MTFR1: variants seen among roughly 807,000 people sequenced by gnomAD.
The protein encoded by MTFR1 is mitochondrial fission regulator 1, also known as chondrocyte protein with a poly-proline region.
Under a neutral mutation model 38.8 loss-of-function variants are expected in MTFR1, and 28 were observed. The observed-to-expected ratio is 0.72, with a 90% CI of 0.53 to 0.99. The LOEUF is 0.99. Among genes scored for constraint, MTFR1 ranks in the 50% least tolerant of loss-of-function variants. The pLI is 0.00. For missense variants in MTFR1, 358 were observed against 395.5 expected, an observed-to-expected ratio of 0.91 and a Z score of 0.81; for synonymous variants, 145 against 137.0, an observed-to-expected ratio of 1.06 and a Z score of -0.41.
chr8:65,738,174 CTTAAT>C (rs768477630), intron 3 of MTFR1, among the ~76,000 whole-genome samples: 10 of 152,022 alleles, frequency 6.6e-5, no homozygotes, highest in Non-Finnish European at 1.3e-4. Context: ...ATGTATACAC[CTTAAT>C]TTAAAAGACT....
chr8:65,720,490 A>G (rs1333761534), intron 3 of MTFR1: 1 of 154,204 alleles, frequency 6.5e-6, no homozygotes, highest in Non-Finnish European at 1.5e-5. Context: ...AATTAAAGCA[A>G]CCAGCATCCA....
intron 1 of MTFR1, among the ~76,000 whole-genome samples, chr8:65,648,338 G>A (rs1271938413): frequency 6.6e-6 from 1 of 151,960 alleles, no homozygotes; most frequent in Non-Finnish European, 1.5e-5. Flanking sequence ...TTATTTGCAA[G>A]CACTTTATAT....
intron 3 of MTFR1, among the ~76,000 whole-genome samples, chr8:65,741,896 T>C (rs1472307857): frequency 2.0e-5 from 3 of 152,244 alleles, no homozygotes; most frequent in Non-Finnish European, 4.4e-5. Flanking sequence ...TACCCTCTTT[T>C]GGAATTCAGG....
At chr8:65,675,337 T>G (rs189922767) in intron 2 of MTFR1, among the ~76,000 whole-genome samples, 1 of 150,612 alleles carries the variant, frequency 6.6e-6, no homozygotes, top group Non-Finnish European at 1.5e-5. Flanking sequence ...GGCTTACGCC[T>G]GTAATCCCAG....
chr8:65,717,562 G>A (rs570698336), intron 2 of MTFR1: 43 of 152,236 alleles, frequency 2.8e-4, no homozygotes, highest in African/African-American at 7.7e-4. Flanking sequence ...AGATAAGCTC[G>A]GACTGAGTAA....
At chr8:65,761,219 C>T (rs1222466062) in intron 3 of MTFR1, among the ~76,000 whole-genome samples, 2 of 152,152 alleles carry the variant, frequency 1.3e-5, no homozygotes, top group Non-Finnish European at 2.9e-5. Context: ...GCACGCACCA[C>T]CATGCCCAGC....
chr8:65,750,240 T>A (rs1487285535), intron 3 of MTFR1, among the ~76,000 whole-genome samples: 2 of 152,204 alleles, frequency 1.3e-5, no homozygotes, highest in African/African-American at 4.8e-5. Flanking sequence ...AATGAATGCA[T>A]TAGAGCCGAC....
At chr8:65,700,456 C>T (rs951544535) in intron 4 of MTFR1, among the ~76,000 whole-genome samples, 6 of 151,156 alleles carry the variant, frequency 4.0e-5, no homozygotes, top group African/African-American at 1.2e-4. Context: ...CATGAGAAAA[C>T]TGTTAGTACA....
In MTFR1 at chr8:65,662,796, G is replaced by A. The variant is rs1809477983; in HGVS notation, c.-80-7077G>A. On this transcript the variant is annotated intron_variant, in intron 1 of 7. Transcript: ENST00000262146. ...AGCGTCTCCGCCCAGCAGCCACCCC[G>A]TCCGGGAGGGAGGTGGGGGTCAGCC... 5.3e-5 allele frequency among the ~76,000 whole-genome samples: 8 copies of A among 150,106 alleles called. No individual in the cohort carries two copies. In the Admixed American group the frequency reaches 5.3e-4, roughly 10 times the overall value.
chr8:65,724,003 A>C (rs1031548229), intron 3 of MTFR1, among the ~76,000 whole-genome samples: 7 of 152,216 alleles, frequency 4.6e-5, no homozygotes, highest in Admixed American at 4.6e-4. Context: ...CTTTCTGTAC[A>C]GCAAAATTCC....
chr8:65,766,421 G>A (rs183967652), intron 3 of MTFR1, among the ~76,000 whole-genome samples: 33 of 152,332 alleles, frequency 2.2e-4, no homozygotes, highest in African/African-American at 7.2e-4. Flanking sequence ...ACTCAAAAGA[G>A]TGAAACTAAA....
In MTFR1 at chr8:65,707,079, C is replaced by T; in HGVS notation, c.587C>T (p.Pro196Leu). 1.2e-6 allele frequency: 2 copies of T among 1,613,350 alleles called. No individual in the cohort carries two copies. Among genetic ancestry groups the T allele is most frequent in the Non-Finnish European group, 8.5e-7 (1 of 1,179,596 alleles). ...CCACCTCCCCCACCGCCCCTGCCTC[C>T]CCCTGCACTGGGGCTCCACCAAAGT... is the stretch of plus-strand genomic sequence containing the variant. The part of the protein sequence containing the change: ...HPPPPPPPLP[P>L]PALGLHQSTS... Residue 196 changes from proline to leucine, a missense_variant, in exon 6 of 8, where the codon CCC becomes CTC. Coordinates refer to ENST00000262146, the MANE Select transcript of MTFR1 (RefSeq NM_014637.4).
At chr8:65,714,914 A>G (rs577515493), downstream of MTFR1, 1 of 152,340 alleles carries the variant, frequency 6.6e-6, no homozygotes, top group East Asian at 1.9e-4. Context: ...ACTTTTATAC[A>G]GAGTATCATT....
intron 3 of MTFR1, chr8:65,739,441 C>CT: frequency 1.4e-6 from 2 of 1,480,110 alleles, no homozygotes; most frequent in Non-Finnish European, 1.8e-6. Context: ...TGAGATAAAA[C>CT]TTAAACAGGT....
chr8:65,764,700 A>C (rs996401692), intron 3 of MTFR1, among the ~76,000 whole-genome samples: 46 of 152,348 alleles, frequency 3.0e-4, no homozygotes, highest in African/African-American at 9.4e-4. Context: ...ATGAGCTTTT[A>C]AGAAACATCT....
chr8:65,694,282 C>G (rs1257894257), intron 4 of MTFR1, among the ~76,000 whole-genome samples: 2 of 151,902 alleles, frequency 1.3e-5, no homozygotes, highest in African/African-American at 4.8e-5. Context: ...GCCATGTTAG[C>G]CAGGCTGGTC....
intron 3 of MTFR1, among the ~76,000 whole-genome samples, chr8:65,753,062 GTTTAA>G (rs756089759): frequency 5.3e-5 from 8 of 152,148 alleles, no homozygotes; most frequent in African/African-American, 9.6e-5. Flanking sequence ...TAAAGCTATT[GTTTAA>G]TTTAATTTTT....
intron 3 of MTFR1, 27 bp downstream of exon 3, chr8:65,682,478 T>G (rs1200205611): frequency 8.5e-7 from 1 of 1,170,134 alleles, no homozygotes; most frequent in Non-Finnish European, 1.1e-6. Context: ...ATTTTAAGTA[T>G]TTTATTAATA....
chr8:65,755,265 C>T lies in MTFR1; in HGVS notation c.*49-15682C>T, dbSNP rs549253042. On this transcript the variant is annotated intron_variant, in intron 3 of 3. Coordinates refer to the MTFR1 transcript ENST00000521247. ...TGAACTCCTGAACTCAGGGGATCCA[C>T]CCGCCTCAGCCTCCCAAAGTGCTGG... Among the ~76,000 whole-genome samples, 14 of 152,248 alleles carry T rather than the reference C, an allele frequency of 9.2e-5. No homozygotes were observed. The South Asian group carries it at 2.9e-3, about 32-fold the overall frequency.
Sources: gnomAD v4.1 joint callset for allele counts (sites outside exome capture counted in the v4.1 genomes callset) on GRCh38, gnomAD v4.1.1 for gene constraint, MANE v1.5 for transcripts, NCBI Gene and HGNC (gene_info 2026-07-23, HGNC 2026-07-21) for gene names.